ADK: variants seen among roughly 807,000 people sequenced by gnomAD.
ADK encodes N6,N6-dimethyladenosine kinase.
ADK carries 24 observed loss-of-function variants against 44.7 expected under a neutral mutation model. The observed-to-expected ratio is 0.54, with a 90% confidence interval of 0.39 to 0.76. The LOEUF (loss-of-function observed/expected upper bound fraction) is 0.76. ADK is among the 30% of genes least tolerant of loss of function. The pLI is 0.00. For synonymous variants in ADK, 128 were observed against 142.6 expected (o/e 0.90, Z 0.73); for missense variants, 321 against 425.1 (o/e 0.76, Z 2.15).
chr10:74,307,957 A>G (rs1020982412), intron 3 of ADK, among the ~76,000 whole-genome samples: 1 of 152,146 alleles, frequency 6.6e-6, no homozygotes, highest in African/African-American at 2.4e-5. Context: ...CTTACATATG[A>G]CTTTTTCTTT....
chr10:74,692,106 G>T (rs1297535806), intron 10 of ADK, among the ~76,000 whole-genome samples: 3 of 152,170 alleles, frequency 2.0e-5, no homozygotes, highest in African/African-American at 4.8e-5. Context: ...GACAAAACTT[G>T]GAAGTAGCTA....
chr10:74,175,158 A>T (rs559139907), intron 1 of ADK, among the ~76,000 whole-genome samples: 1 of 152,226 alleles, frequency 6.6e-6, no homozygotes, highest in African/African-American at 2.4e-5. Context: ...AGGCGGGCAG[A>T]TCGCTTGAGG....
At chr10:74,226,965 T>C (rs1844565954) in intron 3 of ADK, among the ~76,000 whole-genome samples, 1 of 150,916 alleles carries the variant, frequency 6.6e-6, no homozygotes. Flanking sequence ...AGCAGAGTAT[T>C]AATTTTAAAA....
At chr10:74,359,134 G>A (rs1186623796) in intron 4 of ADK, among the ~76,000 whole-genome samples, 1 of 151,852 alleles carries the variant, frequency 6.6e-6, no homozygotes, top group Non-Finnish European at 1.5e-5. Flanking sequence ...TATAAGATGA[G>A]GATCTAGTTT....
At chr10:74,624,519 T>G (rs1853112585) in intron 9 of ADK, among the ~76,000 whole-genome samples, 1 of 152,092 alleles carries the variant, frequency 6.6e-6, no homozygotes, top group Non-Finnish European at 1.5e-5. Context: ...ACTTAATTAT[T>G]TCCTCTAGTC....
intron 3 of ADK, among the ~76,000 whole-genome samples, chr10:74,295,203 C>T (rs112921972): frequency 0.16 from 24,208 of 151,810 alleles, 2,237 homozygotes; most frequent in African/African-American, 0.25. Context: ...GGCTCACACC[C>T]GTAATCCCAG....
At position 74,300,134 on chromosome 10, in the gene ADK, T is replaced by C. The variant is rs370625915; in HGVS notation, c.195-14533T>C. 3.1e-3 allele frequency among the ~76,000 whole-genome samples: 476 copies of C among 151,884 alleles called. 6 individuals carry two copies. Among genetic ancestry groups the C allele is most frequent in the African/African-American group, 0.011 (446 of 41,440 alleles). On this transcript the variant is annotated intron_variant, in intron 3 of 10. Coordinates refer to ENST00000539909, the MANE Select transcript of ADK (RefSeq NM_006721.4). ...CCTGGACTCATGTGATCCTCCTGCC[T>C]CAAGCTCCCAAAGTGTTGGGATTAT... is the stretch of plus-strand genomic sequence containing the variant.
At chr10:74,269,741 A>G (rs1447388591) in intron 3 of ADK, among the ~76,000 whole-genome samples, 1 of 152,200 alleles carries the variant, frequency 6.6e-6, no homozygotes. Context: ...TATCTTTTGT[A>G]ATCCCAGCAC....
At chr10:74,352,657 AT>A (rs1404211196) in intron 4 of ADK, among the ~76,000 whole-genome samples, 5 of 152,212 alleles carry the variant, frequency 3.3e-5, no homozygotes, top group Admixed American at 3.3e-4. Context: ...ATGGGAGAAA[AT>A]TTTTGCAATC....
Position 74,525,346 on chromosome 10 carries a change from G to T in ADK, c.646G>T (p.Ala216Ser), listed in dbSNP as rs1848995339. ...CAGGATTTTCACTTTGAATCTATCT[G>T]CACCGTTTATTAGCCAGTTCTACAA... Reference protein sequence around the residue: ...NNRIFTLNLSAPFISQFYKES... With the variant: ...NNRIFTLNLSSPFISQFYKES... The change falls in exon 7 of 11, where the codon GCA (alanine) becomes TCA (serine). Residue 216 changes from alanine to serine, a missense_variant. By Grantham distance (99) the Ala-to-Ser change is moderately conservative (BLOSUM62 1). Transcript: ENST00000539909. The T allele has an allele frequency of 1.2e-6, 2 of 1,613,484 alleles. No homozygotes were observed. Among genetic ancestry groups the T allele is most frequent in the Non-Finnish European group, 1.7e-6 (2 of 1,179,688 alleles).
intron 4 of ADK, among the ~76,000 whole-genome samples, chr10:74,330,005 TA>T (rs35167424): frequency 0.66 from 96,745 of 147,216 alleles, 32,433 homozygotes; most frequent in Middle Eastern, 0.81. Flanking sequence ...CTACAAATAA[TA>T]AAAAAAAAAA....
At chr10:74,290,032 G>A (rs1847344496) in intron 3 of ADK, among the ~76,000 whole-genome samples, 1 of 151,236 alleles carries the variant, frequency 6.6e-6, no homozygotes, top group South Asian at 2.1e-4. Context: ...GCTATGCTAG[G>A]TTAAAAAAAG....
chr10:74,698,715 C>A (rs1856296931), intron 10 of ADK, among the ~76,000 whole-genome samples: 1 of 152,028 alleles, frequency 6.6e-6, no homozygotes, highest in African/African-American at 2.4e-5. Context: ...TACCACCACG[C>A]CTGGCTAAAT....
At chr10:74,176,674 G>A (rs868627496) in intron 1 of ADK, 2 of 1,440,332 alleles carry the variant, frequency 1.4e-6, no homozygotes, top group Non-Finnish European at 1.8e-6. Context: ...CCTTCGCACG[G>A]GGCGGAGCGC....
At chr10:74,199,748 C>T (rs1385329728) in intron 1 of ADK, among the ~76,000 whole-genome samples, 1 of 152,018 alleles carries the variant, frequency 6.6e-6, no homozygotes, top group Non-Finnish European at 1.5e-5. Context: ...GGCACGATCT[C>T]GACTCACTGC....
chr10:74,603,417 C>T (rs1304931283), intron 9 of ADK, among the ~76,000 whole-genome samples: 3 of 152,038 alleles, frequency 2.0e-5, no homozygotes, highest in Non-Finnish European at 2.9e-5. Flanking sequence ...AGCTCCCCCA[C>T]CCCCCGACAG....
intron 7 of ADK, among the ~76,000 whole-genome samples, chr10:74,558,406 G>C (rs1850341102): frequency 6.6e-6 from 1 of 152,168 alleles, no homozygotes; most frequent in Non-Finnish European, 1.5e-5. Context: ...TTGGAGGAAG[G>C]ACCTGGCGAG....
At chr10:74,201,167 C>T (rs545860109) in intron 2 of ADK, among the ~76,000 whole-genome samples, 9 of 152,286 alleles carry the variant, frequency 5.9e-5, no homozygotes, top group Admixed American at 5.2e-4. Flanking sequence ...GTATCATAAT[C>T]TACAGACATT....
At chr10:74,663,596 T>A (rs1466196698) in intron 9 of ADK, among the ~76,000 whole-genome samples, 1 of 152,172 alleles carries the variant, frequency 6.6e-6, no homozygotes, top group African/African-American at 2.4e-5. Context: ...AGATGTGCTG[T>A]AGGATTCTCT....
Sources: gnomAD v4.1 joint callset for allele counts (sites outside exome capture counted in the v4.1 genomes callset) on GRCh38, gnomAD v4.1.1 for gene constraint, MANE v1.5 for transcripts, NCBI Gene and HGNC (gene_info 2026-07-23, HGNC 2026-07-21) for gene names.